SP1: variants seen among roughly 807,000 people sequenced by gnomAD.
SP1 encodes the protein transcription factor Sp1.
In SP1, 6 loss-of-function variants were observed where a neutral mutation model predicts 66.3. That is an observed-to-expected ratio of 0.09 (90% confidence interval 0.05 to 0.18). The LOEUF is 0.18. Among genes scored for constraint, SP1 ranks in the 10% least tolerant of loss-of-function variants. The probability of loss-of-function intolerance (pLI) is 1.00; values close to 1 mark genes in which losing one functional copy is unlikely to be tolerated. For missense variants in SP1, 848 were observed against 964.5 expected, an observed-to-expected ratio of 0.88 and a Z score of 1.60; for synonymous variants, 417 against 360.8, an observed-to-expected ratio of 1.16 and a Z score of -1.77.
intron 1 of SP1, among the ~76,000 whole-genome samples, chr12:53,380,946 CTTTTTTT>C (rs35296566): frequency 1.8e-4 from 18 of 100,798 alleles, no homozygotes; most frequent in Admixed American, 1.3e-3. Context: ...TTTTGTTTGT[CTTTTTTT>C]TTTTTTTTTT....
At chr12:53,405,574 G>A (rs1938714123) in intron 3 of SP1, among the ~76,000 whole-genome samples, 1 of 152,044 alleles carries the variant, frequency 6.6e-6, no homozygotes. Context: ...GGAGGCTAAG[G>A]CAGGAGAATC....
At chr12:53,403,214 G>A (rs2947337) in intron 3 of SP1, among the ~76,000 whole-genome samples, 47,312 of 152,058 alleles carry the variant, frequency 0.31, 10,875 homozygotes, top group African/African-American at 0.65. Flanking sequence ...AGCTGAAAAG[G>A]ATAGAGATTA....
At position 53,411,029 on chromosome 12, in the gene SP1, G is replaced by C; in HGVS notation, c.2147G>C (p.Gly716Ala). 2.5e-6 allele frequency: 4 copies of C among 1,614,182 alleles called. No individual in the cohort carries two copies. Among genetic ancestry groups the C allele is most frequent in the Non-Finnish European group, 3.4e-6 (4 of 1,179,998 alleles). ...CACCAGAATAAGAAGGGAGGCCCAG[G>C]TGTAGCTCTGAGTGTGGGCACTTTG... Reference protein sequence around the residue: ...KTHQNKKGGPGVALSVGTLPL... With the variant: ...KTHQNKKGGPAVALSVGTLPL... Residue 716 changes from glycine to alanine, a missense_variant, in exon 6 of 6, where the codon GGT becomes GCT. Around this residue, in one of 7 missense-constraint regions of SP1, gnomAD observed 73 missense variants for 91.9 expected, o/e 0.79. Coordinates refer to ENST00000327443, the MANE Select transcript of SP1 (RefSeq NM_138473.3).
chr12:53,395,400 C>T (rs933497786), intron 3 of SP1, among the ~76,000 whole-genome samples: 5 of 152,080 alleles, frequency 3.3e-5, no homozygotes, highest in African/African-American at 1.2e-4. Context: ...AAAAGAGTGT[C>T]TGGTGTTATC....
chr12:53,384,585 C>T (rs1372859288), intron 3 of SP1, among the ~76,000 whole-genome samples: 1 of 152,218 alleles, frequency 6.6e-6, no homozygotes, highest in African/African-American at 2.4e-5. Context: ...TGCACCCAGC[C>T]ACATTTTCTG....
At chr12:53,381,982 A>G in intron 2 of SP1, 128 bp from the exon 3 acceptor site, 1 of 1,131,678 alleles carries the variant, frequency 8.8e-7, no homozygotes, top group Non-Finnish European at 1.3e-6. Flanking sequence ...CAATACAGAT[A>G]GGTCAGCTTT....
chr12:53,407,502 T>C (rs1938771565), intron 4 of SP1, among the ~76,000 whole-genome samples: 1 of 151,678 alleles, frequency 6.6e-6, no homozygotes, highest in Non-Finnish European at 1.5e-5. Context: ...GTTTTTCTAT[T>C]TTTAATAGAG....
At chr12:53,388,954 T>C (rs1938287919) in intron 3 of SP1, among the ~76,000 whole-genome samples, 1 of 147,400 alleles carries the variant, frequency 6.8e-6, no homozygotes, top group African/African-American at 2.5e-5. Flanking sequence ...CACTCCAGCC[T>C]GGGCAGTAGG....
In SP1 at chr12:53,411,039, G is replaced by C. The variant is rs1193199473; in HGVS notation, c.2157G>C (p.Leu719=). The change falls in exon 6 of 6, where the codon CTG becomes CTC. Residue 719 remains leucine, a synonymous_variant. Transcript: ENST00000327443. ...AGAAGGGAGGCCCAGGTGTAGCTCT[G>C]AGTGTGGGCACTTTGCCCCTGGACA... ...QNKKGGPGVA[L]SVGTLPLDSG... is the part of the protein sequence containing the mutation. The C allele has an allele frequency of 1.9e-6, 3 of 1,613,966 alleles. No individual in the cohort carries two copies. Among genetic ancestry groups the C allele is most frequent in the East Asian group, 2.2e-5 (1 of 44,874 alleles).
At chr12:53,380,863 C>G (rs1212209834) in intron 1 of SP1, among the ~76,000 whole-genome samples, 1 of 151,306 alleles carries the variant, frequency 6.6e-6, no homozygotes, top group African/African-American at 2.4e-5. Context: ...AGTTCCTTAG[C>G]AGTATTCACA....
intron 3 of SP1, among the ~76,000 whole-genome samples, chr12:53,389,060 T>C (rs940520034): frequency 6.6e-6 from 1 of 152,078 alleles, no homozygotes; most frequent in Non-Finnish European, 1.5e-5. Flanking sequence ...TATGTTCAAC[T>C]TCTTGGTACG....
intron 5 of SP1, among the ~76,000 whole-genome samples, chr12:53,410,089 T>A (rs1938844807): frequency 6.6e-6 from 1 of 151,844 alleles, no homozygotes; most frequent in African/African-American, 2.4e-5. Flanking sequence ...GGTGGATTTC[T>A]TGAGGTCAGG....
intron 3 of SP1, among the ~76,000 whole-genome samples, chr12:53,389,923 A>G (rs1205607264): frequency 6.6e-6 from 1 of 152,172 alleles, no homozygotes; most frequent in Non-Finnish European, 1.5e-5. Context: ...TTCAGGTACT[A>G]AAAATAACAA....
intron 3 of SP1, among the ~76,000 whole-genome samples, chr12:53,402,374 C>T (rs917567288): frequency 1.3e-5 from 2 of 152,042 alleles, no homozygotes; most frequent in African/African-American, 4.8e-5. Flanking sequence ...CAGGCATGCG[C>T]CACCATGCCC....
intron 3 of SP1, among the ~76,000 whole-genome samples, chr12:53,389,762 T>C (rs1938309264): frequency 6.6e-6 from 1 of 152,150 alleles, no homozygotes; most frequent in Non-Finnish European, 1.5e-5. Context: ...ATCCTGAAAC[T>C]CTTGCCGCAG....
At chr12:53,404,927 C>T (rs939176314) in intron 3 of SP1, among the ~76,000 whole-genome samples, 1 of 152,078 alleles carries the variant, frequency 6.6e-6, no homozygotes, top group Non-Finnish European at 1.5e-5. Flanking sequence ...CCTCTGCCTC[C>T]TGGGTTCAAG....
At position 53,410,602 on chromosome 12, in the gene SP1, C is replaced by A. The variant is rs548243745; in HGVS notation, c.2045-325C>A. ...TCACTGCAAGCTCCGCCTCCCGGGTCCACGCCATTCTCCTGCCTCAGCCTC... is the reference window on the plus strand; with the variant it reads ...TCACTGCAAGCTCCGCCTCCCGGGTACACGCCATTCTCCTGCCTCAGCCTC... On this transcript the variant is annotated intron_variant, in intron 5 of 5. Coordinates refer to ENST00000327443, the MANE Select transcript of SP1 (RefSeq NM_138473.3). 2.1e-3 allele frequency among the ~76,000 whole-genome samples: 326 copies of A among 151,810 alleles called. 2 individuals are homozygous for A. Among genetic ancestry groups the A allele is most frequent in the African/African-American group, 7.6e-3 (316 of 41,424 alleles).
At chr12:53,409,920 G>C (rs1938839458) in intron 5 of SP1, among the ~76,000 whole-genome samples, 1 of 152,194 alleles carries the variant, frequency 6.6e-6, no homozygotes, top group Non-Finnish European at 1.5e-5. Context: ...GGAGGCAGGA[G>C]AGTGGCATGA....
intron 3 of SP1, among the ~76,000 whole-genome samples, chr12:53,385,307 A>G (rs993802359): frequency 7.2e-6 from 1 of 138,898 alleles, no homozygotes; most frequent in Non-Finnish European, 1.5e-5. Flanking sequence ...AAATAAAAAT[A>G]AAAGGCGGCC....
Sources: gnomAD v4.1 joint callset for allele counts (sites outside exome capture counted in the v4.1 genomes callset) on GRCh38, gnomAD v4.1.1 for gene constraint, gnomAD v4.1.1 regional missense constraint, MANE v1.5 for transcripts, NCBI Gene and HGNC (gene_info 2026-07-23, HGNC 2026-07-21) for gene names.